Variants in PRKCH observed in about 807,000 individuals in gnomAD.
PRKCH encodes protein kinase C eta type.
Under a neutral mutation model 82.5 loss-of-function variants are expected in PRKCH, and 28 were observed. The ratio of observed to expected loss-of-function variants is 0.34; its 90% CI spans 0.25 to 0.47. The LOEUF is 0.47. Ranked by LOEUF, PRKCH falls within the 20% of genes least tolerant of loss-of-function variation. The pLI, the probability that PRKCH is intolerant of heterozygous loss-of-function variation, is 1.00. For synonymous variants in PRKCH, 322 were observed against 327.4 expected, an observed-to-expected ratio of 0.98 and a Z score of 0.18; for missense variants, 705 against 881.8, an observed-to-expected ratio of 0.80 and a Z score of 2.54.
chr14:61,454,574 C>G (rs992176153), intron 7 of PRKCH, among the ~76,000 whole-genome samples: 4 of 152,204 alleles, frequency 2.6e-5, no homozygotes, highest in Non-Finnish European at 5.9e-5. Context: ...CTCAGAGGCT[C>G]TGCACAGCCC....
intron 1 of PRKCH, among the ~76,000 whole-genome samples, chr14:61,217,450 G>A (rs532935117): frequency 7.2e-5 from 11 of 152,116 alleles, no homozygotes; most frequent in African/African-American, 2.4e-4. Context: ...AAAGAGAAAC[G>A]AAAAAAGGAA....
Position 61,485,490 on chromosome 14 carries a change from G to A in PRKCH, c.1279-12G>A. On this transcript the variant is annotated splice_polypyrimidine_tract_variant and intron_variant, in intron 9 of 13. Coordinates refer to ENST00000332981, the MANE Select transcript of PRKCH (RefSeq NM_006255.5). ...TACACCACATTGGGCCCTCTCTTGT[G>A]TTTGTATCCAGGATCGTCTGTTTTT... 1 of 1,613,168 alleles carries A rather than the reference G, an allele frequency of 6.2e-7. No homozygotes were observed. Among genetic ancestry groups the A allele is most frequent in the Non-Finnish European group, 8.5e-7 (1 of 1,179,416 alleles).
chr14:61,344,787 A>G (rs528490394), intron 1 of PRKCH, among the ~76,000 whole-genome samples: 2 of 152,102 alleles, frequency 1.3e-5, no homozygotes, highest in Admixed American at 1.3e-4. Flanking sequence ...CCGCCTGCCT[A>G]TGTGACCTGT....
intron 1 of PRKCH, among the ~76,000 whole-genome samples, chr14:61,202,401 G>C (rs1275851109): frequency 1.3e-5 from 2 of 152,222 alleles, no homozygotes; most frequent in African/African-American, 4.8e-5. Flanking sequence ...GGTGGATGGG[G>C]TACATGAAGG....
intron 1 of PRKCH, among the ~76,000 whole-genome samples, chr14:61,213,566 G>A (rs1189054532): frequency 1.3e-5 from 2 of 152,170 alleles, no homozygotes; most frequent in Admixed American, 1.3e-4. Context: ...GGTGTCACGT[G>A]GTGATGCGTT....
chr14:61,450,993 T>C (rs773586001), intron 6 of PRKCH, 22 bp downstream of exon 6: 1 of 1,611,948 alleles, frequency 6.2e-7, no homozygotes, highest in Non-Finnish European at 8.5e-7. Flanking sequence ...AGGTGCTGGG[T>C]ACCCACCTCT....
chr14:61,516,317 G>A (rs1021235102), intron 10 of PRKCH, among the ~76,000 whole-genome samples: 1 of 152,150 alleles, frequency 6.6e-6, no homozygotes, highest in Non-Finnish European at 1.5e-5. Flanking sequence ...TGTTAGTCCA[G>A]TCATCTGCTA....
intron 1 of PRKCH, among the ~76,000 whole-genome samples, chr14:61,371,560 G>C (rs763876390): frequency 2.6e-5 from 4 of 151,942 alleles, no homozygotes; most frequent in Non-Finnish European, 5.9e-5. Context: ...GTGGTTCAAG[G>C]GTTTTGGGAG....
chr14:61,249,342 A>G (rs1197124237), intron 1 of PRKCH, among the ~76,000 whole-genome samples: 1 of 152,190 alleles, frequency 6.6e-6, no homozygotes, highest in African/African-American at 2.4e-5. Flanking sequence ...TGCTAGAGCC[A>G]GGGAGCAGGG....
intron 2 of PRKCH, among the ~76,000 whole-genome samples, chr14:61,420,195 G>A (rs531190209): frequency 2.0e-4 from 31 of 152,220 alleles, no homozygotes; most frequent in Admixed American, 1.8e-3. Flanking sequence ...GTGTGTGTGC[G>A]TGTATGTGTG....
In PRKCH at chr14:61,372,904, TA is replaced by T. The variant is rs891907860; in HGVS notation, c.364-18313del. On this transcript the variant is annotated intron_variant, in intron 1 of 13. Transcript: ENST00000332981. ...ATCATAGAGAACAATTTCACTGCCC[TA>T]AAAAAAATTCTCTGATAGGCCTCAA... 2.0e-5 allele frequency among the ~76,000 whole-genome samples: 3 copies of T among 151,900 alleles called. No homozygotes were observed. The East Asian group carries it at 5.8e-4, about 29-fold the overall frequency.
intron 1 of PRKCH, among the ~76,000 whole-genome samples, chr14:61,282,840 A>G (rs978324682): frequency 1.3e-5 from 2 of 152,198 alleles, no homozygotes; most frequent in African/African-American, 4.8e-5. Flanking sequence ...ACTTCTTATC[A>G]TACCCAAAGA....
chr14:61,321,863 G>A lies in PRKCH; in HGVS notation c.-239G>A. The A allele has an allele frequency of 2.3e-6, 1 of 427,266 alleles. No individual in the cohort carries two copies. The highest frequency in any genetic ancestry group is 3.1e-5 in the South Asian group (1 of 32,048). The allele number at this position is 427,266 out of a possible 1,614,324, so 26.5% of individuals were successfully genotyped here. On this transcript the variant is annotated 5_prime_UTR_variant, in exon 1 of 14. Coordinates refer to ENST00000332981, the MANE Select transcript of PRKCH (RefSeq NM_006255.5). The surrounding 1 kb of genome is among the most constrained non-coding windows in gnomAD (Gnocchi z 4.1). The stretch of plus-strand genomic sequence containing the variant: ...TTGGAAGGGACGGTCGGGCTTCCCC[G>A]GCCCGCTGAGGGCTCGGCGGCGGGC...
chr14:61,428,118 T>C lies in PRKCH; in HGVS notation c.428-14993T>C, dbSNP rs1206313817. The stretch of plus-strand genomic sequence containing the variant: ...ACACATATATATATACACACATATA[T>C]ATATATATATATATGTATCTCACAC... On this transcript the variant is annotated intron_variant, in intron 2 of 13. Transcript: ENST00000332981. Among the ~76,000 whole-genome samples the C allele has an allele frequency of 2.7e-3, 405 of 148,512 alleles. 4 individuals carry two copies. Among genetic ancestry groups the C allele is most frequent in the Non-Finnish European group, 4.7e-3 (317 of 67,034 alleles).
At chr14:61,462,163 G>C in intron 9 of PRKCH, among the ~76,000 whole-genome samples, 1 of 152,188 alleles carries the variant, frequency 6.6e-6, no homozygotes, top group Admixed American at 6.5e-5. Flanking sequence ...AGGCCGAGGT[G>C]GGGCAATCAC....
At chr14:61,488,711 A>G (rs963350782) in intron 10 of PRKCH, among the ~76,000 whole-genome samples, 1 of 152,248 alleles carries the variant, frequency 6.6e-6, no homozygotes, top group Non-Finnish European at 1.5e-5. Context: ...TGGGCCGAGC[A>G]GCAAGCTTCC....
chr14:61,335,521 T>C (rs904029710), intron 1 of PRKCH, among the ~76,000 whole-genome samples: 38 of 151,984 alleles, frequency 2.5e-4, no homozygotes, highest in Non-Finnish European at 5.4e-4. Context: ...ATAAACATAC[T>C]AACAGTAATC....
chr14:61,377,432 A>G (rs2046441160), intron 1 of PRKCH, among the ~76,000 whole-genome samples: 1 of 152,162 alleles, frequency 6.6e-6, no homozygotes, highest in Non-Finnish European at 1.5e-5. Context: ...CTATTTGAGT[A>G]CTTTTGTGTC....
intron 1 of PRKCH, among the ~76,000 whole-genome samples, chr14:61,199,696 C>A (rs892326023): frequency 2.0e-5 from 3 of 152,048 alleles, no homozygotes; most frequent in African/African-American, 7.2e-5. Context: ...GAACTGACAC[C>A]ATTCGCATTG....
Sources: gnomAD v4.1 joint callset for allele counts (sites outside exome capture counted in the v4.1 genomes callset) on GRCh38, gnomAD v4.1.1 for gene constraint, Gnocchi (gnomAD v3.1) non-coding constraint, MANE v1.5 for transcripts, NCBI Gene and HGNC (gene_info 2026-07-23, HGNC 2026-07-21) for gene names.